Variants in ERBB4 observed in about 807,000 individuals in gnomAD.
ERBB4 encodes the protein erb-b2 receptor tyrosine kinase 4.
ERBB4 carries 42 observed loss-of-function variants against 158.0 expected under a neutral mutation model. The observed-to-expected ratio is 0.27, with a 90% CI of 0.21 to 0.34. The LOEUF is 0.34. ERBB4 is among the 10% of genes least tolerant of loss of function. ERBB4 has a pLI of 1.00. For missense variants in ERBB4, 1,333 were observed against 1,624.1 expected (o/e 0.82, Z 3.08); for synonymous variants, 583 against 558.7 (o/e 1.04, Z -0.61).
intron 3 of ERBB4, among the ~76,000 whole-genome samples, chr2:211,840,400 A>G (rs576594758): frequency 6.6e-6 from 1 of 152,208 alleles, no homozygotes; most frequent in East Asian, 1.9e-4. Flanking sequence ...CTTTATTAGC[A>G]GCGTGAGAAC....
Position 212,074,408 on chromosome 2 carries a change from G to A in ERBB4, c.234+50344C>T, listed in dbSNP as rs376769942. Among the ~76,000 whole-genome samples, 385 of 151,978 alleles carry A rather than the reference G, an allele frequency of 2.5e-3. 1 individual carries two copies. Among genetic ancestry groups the A allele is most frequent in the African/African-American group, 8.9e-3 (371 of 41,494 alleles). ...ATAACTCATGAAAGAATAAATCATA[G>A]CACATCATTAAGGGTAATTCTCAGG... On this transcript the variant is annotated intron_variant, in intron 2 of 27. Transcript: ENST00000342788.
At chr2:212,368,893 T>A (rs1257519230) in intron 1 of ERBB4, among the ~76,000 whole-genome samples, 1 of 152,120 alleles carries the variant, frequency 6.6e-6, no homozygotes, top group Non-Finnish European at 1.5e-5. Context: ...TCCCTACTAC[T>A]ACAAGTGCGG....
chr2:212,218,262 C>A (rs370380343), intron 1 of ERBB4, among the ~76,000 whole-genome samples: 1 of 151,188 alleles, frequency 6.6e-6, no homozygotes, highest in Non-Finnish European at 1.5e-5. Flanking sequence ...ATCTGAAGTA[C>A]AAATTAAATT....
chr2:211,501,830 T>A, intron 20 of ERBB4, among the ~76,000 whole-genome samples: 1 of 152,162 alleles, frequency 6.6e-6, no homozygotes, highest in South Asian at 2.1e-4. Context: ...AGGGTCACTT[T>A]TATGAACATC....
At chr2:211,799,540 G>T (rs1243448159) in intron 3 of ERBB4, among the ~76,000 whole-genome samples, 1 of 152,140 alleles carries the variant, frequency 6.6e-6, no homozygotes, top group Non-Finnish European at 1.5e-5. Context: ...ATTGATATCT[G>T]CAGGGGACTG....
chr2:211,425,359 TAAA>T (rs1206843533), intron 22 of ERBB4, among the ~76,000 whole-genome samples: 2,124 of 120,372 alleles, frequency 0.018, 54 homozygotes, highest in African/African-American at 0.12. Context: ...GCTTAAAATA[TAAA>T]ACTATGTGGA....
chr2:212,138,982 G>T (rs893379317), intron 1 of ERBB4, among the ~76,000 whole-genome samples: 7 of 152,026 alleles, frequency 4.6e-5, no homozygotes, highest in African/African-American at 1.4e-4. Context: ...ACTCCTATGG[G>T]TAAGTAAATG....
At chr2:212,045,167 G>C (rs558198450) in intron 2 of ERBB4, among the ~76,000 whole-genome samples, 3 of 152,172 alleles carry the variant, frequency 2.0e-5, no homozygotes, top group Non-Finnish European at 2.9e-5. Context: ...TACTACGTGA[G>C]AATAAAACTA....
At chr2:212,242,178 G>C (rs925151142) in intron 1 of ERBB4, among the ~76,000 whole-genome samples, 2 of 151,672 alleles carry the variant, frequency 1.3e-5, no homozygotes, top group African/African-American at 4.8e-5. Context: ...GATTCAAGTA[G>C]GCAATTTTTT....
chr2:212,051,123 C>T (rs907366197), intron 2 of ERBB4, among the ~76,000 whole-genome samples: 1 of 152,178 alleles, frequency 6.6e-6, no homozygotes, highest in African/African-American at 2.4e-5. Context: ...AGAATGCCTA[C>T]ACCTCCTATT....
At chr2:211,949,286 TA>T (rs2080806563) in intron 2 of ERBB4, among the ~76,000 whole-genome samples, 1 of 152,122 alleles carries the variant, frequency 6.6e-6, no homozygotes, top group South Asian at 2.1e-4. Flanking sequence ...CTTCAGTGCT[TA>T]AAACTCTGAA....
intron 1 of ERBB4, among the ~76,000 whole-genome samples, chr2:212,296,843 C>G (rs1325103455): frequency 6.6e-6 from 1 of 151,928 alleles, no homozygotes; most frequent in African/African-American, 2.4e-5. Flanking sequence ...ACTAACCACA[C>G]CCACCAACTC....
At chr2:211,890,742 CAGGGGTTGCAATCCT>C in intron 3 of ERBB4, among the ~76,000 whole-genome samples, 1 of 132,846 alleles carries the variant, frequency 7.5e-6, no homozygotes, top group South Asian at 2.4e-4. Context: ...CAAAAAAAGG[CAGGGGTTGCAATCCT>C]AGTCTCTGAT....
chr2:211,813,978 T>C (rs2076820922), intron 3 of ERBB4, among the ~76,000 whole-genome samples: 1 of 152,060 alleles, frequency 6.6e-6, no homozygotes, highest in Admixed American at 6.5e-5. Context: ...TTGCAAAATA[T>C]CTAGCAAAAG....
chr2:212,347,570 T>C (rs1393791488), intron 1 of ERBB4, among the ~76,000 whole-genome samples: 1 of 152,110 alleles, frequency 6.6e-6, no homozygotes, highest in Non-Finnish European at 1.5e-5. Flanking sequence ...CATCCCTTAT[T>C]CAAAATGCTT....
intron 2 of ERBB4, among the ~76,000 whole-genome samples, chr2:211,974,233 CT>C (rs532589050): frequency 0.024 from 3,609 of 151,398 alleles, 58 homozygotes; most frequent in Middle Eastern, 0.075. Flanking sequence ...AACTTAAAAG[CT>C]TTTTTTTTAA....
At chr2:212,214,806 A>G (rs1238825573) in intron 1 of ERBB4, among the ~76,000 whole-genome samples, 1 of 151,676 alleles carries the variant, frequency 6.6e-6, no homozygotes, top group Non-Finnish European at 1.5e-5. Flanking sequence ...CACGTACACA[A>G]TGTTCATTGC....
chr2:211,931,445 G>T (rs1390819611), intron 3 of ERBB4, among the ~76,000 whole-genome samples: 1 of 151,878 alleles, frequency 6.6e-6, no homozygotes. Flanking sequence ...GTTCCCATGT[G>T]CTCAGAAAGC....
chr2:211,945,426 C>T (rs2080659699), intron 3 of ERBB4, among the ~76,000 whole-genome samples: 1 of 152,030 alleles, frequency 6.6e-6, no homozygotes, highest in Non-Finnish European at 1.5e-5. Context: ...GCCTAAATTT[C>T]TACCATTTTG....
Sources: allele counts gnomAD v4.1 joint callset (sites outside exome capture counted in the v4.1 genomes callset), GRCh38; gene constraint gnomAD v4.1.1; transcripts MANE v1.5; gene names NCBI Gene and HGNC (gene_info 2026-07-23, HGNC 2026-07-21).